MTSS1: variants seen among roughly 807,000 people sequenced by gnomAD.
The protein encoded by MTSS1 is protein MTSS 1.
In MTSS1, 18 loss-of-function variants were observed where a neutral mutation model predicts 79.0. The observed-to-expected ratio is 0.23, with a 90% CI of 0.16 to 0.34. The LOEUF (loss-of-function observed/expected upper bound fraction) is 0.34. Ranked by LOEUF, MTSS1 falls within the 10% of genes least tolerant of loss-of-function variation. The pLI, the probability that MTSS1 is intolerant of heterozygous loss-of-function variation, is 1.00. For synonymous variants in MTSS1, 341 were observed against 368.6 expected (o/e 0.93, Z 0.86); for missense variants, 815 against 986.2 (o/e 0.83, Z 2.33).
At chr8:124,646,309 A>G (rs1818990036) in intron 3 of MTSS1, among the ~76,000 whole-genome samples, 1 of 152,246 alleles carries the variant, frequency 6.6e-6, no homozygotes, top group African/African-American at 2.4e-5. Context: ...TCGGGAGAAC[A>G]TGTAATAATG....
chr8:124,711,153 T>C (rs1229027553), intron 1 of MTSS1, among the ~76,000 whole-genome samples: 1 of 152,182 alleles, frequency 6.6e-6, no homozygotes, highest in Non-Finnish European at 1.5e-5. Flanking sequence ...GTGCCAGGTA[T>C]ATATACTGGC....
At chr8:124,577,639 G>C (rs768421611) in intron 6 of MTSS1, 1 of 518,716 alleles carries the variant, frequency 1.9e-6, no homozygotes, top group South Asian at 1.4e-5. Context: ...TAGCATCCCT[G>C]CTTCCACCCA....
intron 3 of MTSS1, among the ~76,000 whole-genome samples, chr8:124,648,832 A>T (rs904740656): frequency 4.6e-5 from 7 of 152,148 alleles, no homozygotes; most frequent in African/African-American, 1.7e-4. Flanking sequence ...GCCATGATGA[A>T]AATGCCATCT....
intron 3 of MTSS1, among the ~76,000 whole-genome samples, chr8:124,637,343 T>G (rs936097972): frequency 6.6e-6 from 1 of 152,144 alleles, no homozygotes; most frequent in Non-Finnish European, 1.5e-5. Flanking sequence ...AGGGGAGTTT[T>G]GGGATGGTGA....
Position 124,724,404 on chromosome 8 carries a change from C to A in MTSS1, c.72+3480G>T, listed in dbSNP as rs114821948. Reference sequence around the variant, plus strand: ...CAGCACAGGTGCTGGTAACAGGACACCCCTGTCTAAAGTGACACATGGGGT... The same window carrying A: ...CAGCACAGGTGCTGGTAACAGGACAACCCTGTCTAAAGTGACACATGGGGT... On this transcript the variant is annotated intron_variant, in intron 1 of 13. Transcript: ENST00000518547. Among the ~76,000 whole-genome samples the A allele has an allele frequency of 3.8e-3, 574 of 152,248 alleles. 9 individuals are homozygous for A. The highest frequency in any genetic ancestry group is 0.013 in the African/African-American group (535 of 41,536).
At chr8:124,593,977 C>T (rs1832316582) in intron 3 of MTSS1, among the ~76,000 whole-genome samples, 1 of 106,848 alleles carries the variant, frequency 9.4e-6, no homozygotes, top group African/African-American at 4.0e-5. Flanking sequence ...AGAGCCTGGC[C>T]CTGTCTAATC....
At chr8:124,624,778 G>A (rs1373327304) in intron 3 of MTSS1, among the ~76,000 whole-genome samples, 5 of 152,210 alleles carry the variant, frequency 3.3e-5, no homozygotes, top group Non-Finnish European at 5.9e-5. Context: ...AACTGAAGCT[G>A]ACTCAAAGAG....
chr8:124,585,007 G>T (rs1830611905), intron 6 of MTSS1, 80 bp downstream of exon 6: 2 of 1,223,058 alleles, frequency 1.6e-6, no homozygotes, highest in Non-Finnish European at 1.2e-6. Flanking sequence ...GGAAGTCTCT[G>T]AAGTGAACAC....
intron 3 of MTSS1, among the ~76,000 whole-genome samples, chr8:124,656,022 T>C (rs945249431): frequency 5.3e-5 from 8 of 152,194 alleles, no homozygotes; most frequent in African/African-American, 1.7e-4. Context: ...ATCTTTGAAC[T>C]TGGAATGATA....
At chr8:124,621,416 C>T (rs1813482104) in intron 3 of MTSS1, among the ~76,000 whole-genome samples, 1 of 152,196 alleles carries the variant, frequency 6.6e-6, no homozygotes, top group African/African-American at 2.4e-5. Flanking sequence ...GGGCAGTCTT[C>T]CTTAAACAGG....
chr8:124,703,671 A>G (rs1185859441), intron 2 of MTSS1, among the ~76,000 whole-genome samples: 1 of 152,210 alleles, frequency 6.6e-6, no homozygotes, highest in Non-Finnish European at 1.5e-5. Context: ...CAGAGAGCCT[A>G]AGTTCAAATC....
chr8:124,684,244 T>C (rs1826595010), intron 3 of MTSS1, among the ~76,000 whole-genome samples: 1 of 152,236 alleles, frequency 6.6e-6, no homozygotes, highest in African/African-American at 2.4e-5. Flanking sequence ...ACAGCTGGGT[T>C]ACTGGCATGA....
Position 124,592,006 on chromosome 8 carries a change from G to C in MTSS1, c.209-771C>G, listed in dbSNP as rs554918264. ...TCACCATGTTGGCCAGGCTGGTCTC[G>C]AACTCCTGACCTCAGGTGATCCACC... On this transcript the variant is annotated intron_variant, in intron 3 of 13. Transcript: ENST00000518547. Among the ~76,000 whole-genome samples the C allele has an allele frequency of 4.0e-3, 614 of 151,834 alleles. 5 individuals are homozygous for C. The highest frequency in any genetic ancestry group is 6.9e-3 in the Non-Finnish European group (470 of 67,958).
chr8:124,631,090 G>A (rs114816702), intron 3 of MTSS1, among the ~76,000 whole-genome samples: 1 of 152,166 alleles, frequency 6.6e-6, no homozygotes, highest in African/African-American at 2.4e-5. Flanking sequence ...CATTTCATTG[G>A]CCTGCACCCT....
At chr8:124,666,847 A>G (rs945678447) in intron 3 of MTSS1, among the ~76,000 whole-genome samples, 1 of 152,036 alleles carries the variant, frequency 6.6e-6, no homozygotes, top group Non-Finnish European at 1.5e-5. Flanking sequence ...AAGAGGGAAG[A>G]GGGGTGATCA....
chr8:124,694,753 G>A (rs563749397), intron 3 of MTSS1, among the ~76,000 whole-genome samples: 9 of 152,036 alleles, frequency 5.9e-5, no homozygotes, highest in Non-Finnish European at 1.3e-4. Context: ...CCACGTGCTG[G>A]TCCATTATGG....
At position 124,719,968 on chromosome 8, in the gene MTSS1, C is replaced by T. The variant is rs78902055; in HGVS notation, c.72+7916G>A. Among the ~76,000 whole-genome samples the T allele has an allele frequency of 8.8e-3, 1,338 of 152,252 alleles. 18 individuals are homozygous for T. The highest frequency in any genetic ancestry group is 0.03 in the African/African-American group (1,240 of 41,522). On this transcript the variant is annotated intron_variant, in intron 1 of 13. Transcript: ENST00000518547. ...TGCTCAGAGCAATAGAGCTAGGAAA[C>T]GCTAGAGCCGGGCTTCAAAGCCCAA...
chr8:124,602,671 G>C (rs888235297), intron 3 of MTSS1, among the ~76,000 whole-genome samples: 1 of 152,132 alleles, frequency 6.6e-6, no homozygotes, highest in Admixed American at 6.5e-5. Flanking sequence ...GATCAGTAAG[G>C]AAGCTCCAGG....
intron 3 of MTSS1, among the ~76,000 whole-genome samples, chr8:124,634,971 A>C (rs1024976036): frequency 6.6e-6 from 1 of 152,228 alleles, no homozygotes; most frequent in Non-Finnish European, 1.5e-5. Context: ...GTCTTAATGC[A>C]CTTTTTGTTT....
Sources: allele counts gnomAD v4.1 joint callset (sites outside exome capture counted in the v4.1 genomes callset), GRCh38; gene constraint gnomAD v4.1.1; transcripts MANE v1.5; gene names NCBI Gene and HGNC (gene_info 2026-07-23, HGNC 2026-07-21).